The following SGCD variants were observed in gnomAD, a reference collection of about 807,000 sequenced individuals.
SGCD encodes sarcoglycan delta, also known as delta-sarcoglycan.
SGCD carries 18 observed loss-of-function variants against 36.6 expected under a neutral mutation model. The observed-to-expected ratio is 0.49, with a 90% CI of 0.34 to 0.73. The LOEUF is 0.73. Ranked by LOEUF, SGCD falls within the 30% of genes least tolerant of loss-of-function variation. The pLI, the probability that SGCD is intolerant of heterozygous loss-of-function variation, is 0.01. For missense variants in SGCD, 387 were observed against 346.7 expected (o/e 1.12, Z -0.92); for synonymous variants, 133 against 130.6 (o/e 1.02, Z -0.12).
chr5:156,367,579 G>C (rs1275629751), intron 3 of SGCD, among the ~76,000 whole-genome samples: 2 of 152,156 alleles, frequency 1.3e-5, no homozygotes, highest in Admixed American at 1.3e-4. Flanking sequence ...CAACATATTG[G>C]AACATACGGA....
intron 1 of SGCD, among the ~76,000 whole-genome samples, chr5:155,989,411 T>C (rs1482460479): frequency 6.6e-6 from 1 of 152,188 alleles, no homozygotes; most frequent in African/African-American, 2.4e-5. Flanking sequence ...TCATGGGCCA[T>C]ACAAAAACAG....
chr5:156,113,760 G>A (rs1336385020), intron 1 of SGCD, among the ~76,000 whole-genome samples: 2 of 152,164 alleles, frequency 1.3e-5, no homozygotes, highest in South Asian at 2.1e-4. Flanking sequence ...GAAGGAGCCA[G>A]CATGTCCTTC....
At chr5:156,014,432 A>G (rs1017614801) in intron 1 of SGCD, among the ~76,000 whole-genome samples, 1 of 152,226 alleles carries the variant, frequency 6.6e-6, no homozygotes, top group Non-Finnish European at 1.5e-5. Context: ...ATCCATGTGT[A>G]TATATTATTA....
At chr5:156,687,844 G>A (rs960341155) in intron 7 of SGCD, among the ~76,000 whole-genome samples, 2 of 152,210 alleles carry the variant, frequency 1.3e-5, no homozygotes, top group Non-Finnish European at 2.9e-5. Flanking sequence ...AGGGAGAATG[G>A]ATGGTAACCA....
chr5:156,392,363 A>G (rs1771619637), intron 3 of SGCD, among the ~76,000 whole-genome samples: 1 of 152,182 alleles, frequency 6.6e-6, no homozygotes, highest in Non-Finnish European at 1.5e-5. Flanking sequence ...AAATGGGGAA[A>G]GTTCCCTTGC....
At chr5:156,635,890 TG>T (rs1291236790) in intron 6 of SGCD, among the ~76,000 whole-genome samples, 4 of 13,488 alleles carry the variant, frequency 3.0e-4, no homozygotes, top group Non-Finnish European at 5.8e-4. Context: ...TGTTGTGGGG[TG>T]GGGGGAGGCG....
chr5:155,776,297 A>G, the SGCD span, among the ~76,000 whole-genome samples: 5 of 152,132 alleles, frequency 3.3e-5, no homozygotes, highest in East Asian at 7.7e-4. Context: ...AAATATCACT[A>G]TGGCCAAGGG....
At position 155,926,426 on chromosome 5, in the gene SGCD, A is replaced by G. The variant is rs1425415900; in HGVS notation, c.-282+56002A>G. Among the ~76,000 whole-genome samples, 3 of 152,198 alleles carry G rather than the reference A, an allele frequency of 2.0e-5. No individual in the cohort carries two copies. In the East Asian group the frequency reaches 5.8e-4, roughly 29 times the overall value. On this transcript the variant is annotated intron_variant, in intron 1 of 9. Coordinates refer to the SGCD transcript ENST00000517913. ...AGCTAACAAATGCTTTAGCAAAACA[A>G]TGGTAATGAAACTTAATAAGCTTGT...
At chr5:156,011,504 G>C (rs1328399551) in intron 1 of SGCD, among the ~76,000 whole-genome samples, 2 of 151,810 alleles carry the variant, frequency 1.3e-5, no homozygotes, top group Admixed American at 6.6e-5. Context: ...GCAGTGTCGT[G>C]ATCTTGGCTC....
chr5:156,075,936 C>T (rs546529602), intron 1 of SGCD, among the ~76,000 whole-genome samples: 1 of 152,290 alleles, frequency 6.6e-6, no homozygotes, highest in East Asian at 1.9e-4. Context: ...GGCTTTGGGG[C>T]TTCCACACAG....
At chr5:156,553,769 A>G (rs1581160460) in intron 4 of SGCD, among the ~76,000 whole-genome samples, 2 of 152,234 alleles carry the variant, frequency 1.3e-5, no homozygotes, top group East Asian at 3.9e-4. Context: ...GTTCATTCAT[A>G]TTGGGGCCTA....
rs115710446 is a variant in SGCD at position 156,041,885 on chromosome 5, A to G, written c.-281-75993A>G. Among the ~76,000 whole-genome samples the G allele has an allele frequency of 1.9e-3, 289 of 152,318 alleles. 2 individuals are homozygous for G. The highest frequency in any genetic ancestry group is 6.7e-3 in the African/African-American group (280 of 41,584). ...AAAGGCAGTGAGTGACCTTTGGACT[A>G]AGCCTTGAAGTATGATGGAATTTGA... On this transcript the variant is annotated intron_variant, in intron 1 of 9. Transcript: ENST00000517913.
At chr5:156,003,556 C>A (rs1416474555) in intron 1 of SGCD, among the ~76,000 whole-genome samples, 1 of 152,140 alleles carries the variant, frequency 6.6e-6, no homozygotes, top group Non-Finnish European at 1.5e-5. Flanking sequence ...CTAAAAGTAG[C>A]CTCGTCCAGT....
intron 3 of SGCD, chr5:156,393,688 C>T (rs966986067): frequency 6.6e-6 from 3 of 454,112 alleles, no homozygotes; most frequent in Non-Finnish European, 1.3e-5. Context: ...GATCATCCAT[C>T]TCCCAGAGCC....
At chr5:156,229,109 A>G (rs1764929605) in intron 3 of SGCD, among the ~76,000 whole-genome samples, 1 of 151,096 alleles carries the variant, frequency 6.6e-6, no homozygotes, top group African/African-American at 2.4e-5. Context: ...GCCCTCAAAC[A>G]TTGGACTTCA....
chr5:156,377,059 T>G (rs556931683), intron 3 of SGCD, among the ~76,000 whole-genome samples: 1 of 151,990 alleles, frequency 6.6e-6, no homozygotes, highest in Non-Finnish European at 1.5e-5. Flanking sequence ...AAAATGAAAA[T>G]AAAACATTAC....
intron 3 of SGCD, among the ~76,000 whole-genome samples, chr5:156,234,146 G>A (rs1765094927): frequency 6.6e-6 from 1 of 152,134 alleles, no homozygotes; most frequent in African/African-American, 2.4e-5. Context: ...TGTGAAGCAT[G>A]TTTTTAAATG....
intron 3 of SGCD, among the ~76,000 whole-genome samples, chr5:156,172,041 G>C (rs1400476142): frequency 6.6e-6 from 1 of 152,134 alleles, no homozygotes; most frequent in Non-Finnish European, 1.5e-5. Flanking sequence ...CCAGCACTTT[G>C]GGAGGCCAAG....
At chr5:156,392,612 G>C (rs933435615) in intron 3 of SGCD, among the ~76,000 whole-genome samples, 2 of 152,314 alleles carry the variant, frequency 1.3e-5, no homozygotes, top group East Asian at 3.9e-4. Flanking sequence ...CAAGGACAGA[G>C]GCTTTCTGTA....
Sources: allele counts gnomAD v4.1 joint callset (sites outside exome capture counted in the v4.1 genomes callset), GRCh38; gene constraint gnomAD v4.1.1; transcripts MANE v1.5; gene names NCBI Gene and HGNC (gene_info 2026-07-23, HGNC 2026-07-21).